GRM5: variants seen among roughly 807,000 people sequenced by gnomAD.
The protein encoded by GRM5 is metabotropic glutamate receptor 5.
Under a neutral mutation model 83.1 loss-of-function variants are expected in GRM5, and 19 were observed. That is an observed-to-expected ratio of 0.23 (90% CI 0.16 to 0.34). The LOEUF (loss-of-function observed/expected upper bound fraction) is 0.34, where lower values mean the gene tolerates loss of function less well. Ranked by LOEUF, GRM5 falls within the 10% of genes least tolerant of loss-of-function variation. The probability of loss-of-function intolerance (pLI) is 1.00; values close to 1 mark genes in which losing one functional copy is unlikely to be tolerated. For synonymous variants in GRM5, 675 were observed against 633.6 expected (o/e 1.07, Z -0.98); for missense variants, 1,160 against 1,588.3 (o/e 0.73, Z 4.58).
At chr11:88,703,809 T>C (rs1941091756) in intron 3 of GRM5, among the ~76,000 whole-genome samples, 1 of 152,090 alleles carries the variant, frequency 6.6e-6, no homozygotes, top group Non-Finnish European at 1.5e-5. Context: ...GTCTAACTTT[T>C]ATAAGCACTG....
intron 2 of GRM5, among the ~76,000 whole-genome samples, chr11:88,896,948 G>A (rs1015672307): frequency 6.6e-6 from 1 of 151,830 alleles, no homozygotes; most frequent in African/African-American, 2.4e-5. Flanking sequence ...ATCATAAAGT[G>A]CAAAATTTGT....
intron 2 of GRM5, among the ~76,000 whole-genome samples, chr11:88,927,523 A>G (rs1166163340): frequency 1.3e-5 from 2 of 152,164 alleles, no homozygotes; most frequent in Non-Finnish European, 2.9e-5. Flanking sequence ...ACCACAAAAG[A>G]TAGCATTTTA....
intron 2 of GRM5, among the ~76,000 whole-genome samples, chr11:88,976,730 TA>T (rs1412241489): frequency 6.6e-6 from 1 of 152,134 alleles, no homozygotes; most frequent in Non-Finnish European, 1.5e-5. Flanking sequence ...AGTAAGTTTT[TA>T]TATTGTGGTA....
intron 3 of GRM5, among the ~76,000 whole-genome samples, chr11:88,700,861 T>C (rs1941016790): frequency 6.6e-6 from 1 of 152,202 alleles, no homozygotes; most frequent in Non-Finnish European, 1.5e-5. Flanking sequence ...TACAATGCCC[T>C]GCACGGATGG....
intron 2 of GRM5, among the ~76,000 whole-genome samples, chr11:89,010,309 T>C (rs913688811): frequency 2.0e-5 from 3 of 152,198 alleles, no homozygotes; most frequent in Non-Finnish European, 4.4e-5. Flanking sequence ...GATTTTATCA[T>C]GACACTACCC....
chr11:88,586,243 A>T (rs1943313409), intron 7 of GRM5, among the ~76,000 whole-genome samples: 1 of 152,218 alleles, frequency 6.6e-6, no homozygotes, highest in African/African-American at 2.4e-5. Flanking sequence ...ATATACACAT[A>T]CAAAAAGTAT....
chr11:89,000,004 T>C (rs1439558017), intron 2 of GRM5, among the ~76,000 whole-genome samples: 1 of 151,762 alleles, frequency 6.6e-6, no homozygotes, highest in Non-Finnish European at 1.5e-5. Context: ...AACCAAACAC[T>C]GCATGTTCTC....
chr11:88,691,585 C>A (rs752577396), intron 3 of GRM5, among the ~76,000 whole-genome samples: 7 of 152,162 alleles, frequency 4.6e-5, no homozygotes, highest in Non-Finnish European at 1.0e-4. Context: ...TATGTCTGCT[C>A]TCTGCCATCT....
intron 3 of GRM5, among the ~76,000 whole-genome samples, chr11:88,802,417 T>C (rs1278656070): frequency 3.3e-5 from 5 of 152,150 alleles, no homozygotes; most frequent in Non-Finnish European, 7.4e-5. Flanking sequence ...GAGGTCATTA[T>C]AATAAATGAA....
intron 8 of GRM5, among the ~76,000 whole-genome samples, chr11:88,544,844 C>A (rs529302119): frequency 6.6e-6 from 1 of 152,202 alleles, no homozygotes; most frequent in African/African-American, 2.4e-5. Flanking sequence ...TTGGTACCAA[C>A]GAAATCCTTG....
intron 3 of GRM5, among the ~76,000 whole-genome samples, chr11:88,797,216 C>G (rs1418600752): frequency 1.3e-5 from 2 of 152,016 alleles, no homozygotes; most frequent in African/African-American, 4.8e-5. Flanking sequence ...GTGGTGCAAT[C>G]TCGGCTCACT....
At chr11:89,064,922 G>C (rs1331145589) in intron 1 of GRM5, among the ~76,000 whole-genome samples, 5 of 62,614 alleles carry the variant, frequency 8.0e-5, no homozygotes, top group South Asian at 1.1e-3. Flanking sequence ...GTGTGAGAGA[G>C]AGAGAGAGAG....
chr11:88,647,708 G>T (rs577651895), intron 4 of GRM5, among the ~76,000 whole-genome samples: 1 of 152,086 alleles, frequency 6.6e-6, no homozygotes, highest in Admixed American at 6.6e-5. Context: ...CCATCAAAGT[G>T]AACAGGCAAC....
chr11:88,556,388 T>C (rs1336049672), intron 8 of GRM5, among the ~76,000 whole-genome samples: 2 of 150,524 alleles, frequency 1.3e-5, no homozygotes, highest in African/African-American at 4.9e-5. Flanking sequence ...AATGGCGCAA[T>C]CTTGGCTCAC....
chr11:88,902,096 C>T (rs1377658097), intron 2 of GRM5, among the ~76,000 whole-genome samples: 1 of 151,844 alleles, frequency 6.6e-6, no homozygotes, highest in Non-Finnish European at 1.5e-5. Context: ...ACTTTATATG[C>T]TGCTTTTCTC....
intron 3 of GRM5, among the ~76,000 whole-genome samples, chr11:88,779,744 C>A (rs906920962): frequency 1.3e-5 from 2 of 152,138 alleles, no homozygotes; most frequent in Admixed American, 1.3e-4. Context: ...TTCTTAGTCA[C>A]CGAAAAGCAA....
At chr11:88,556,890 A>G (rs550342979) in intron 8 of GRM5, among the ~76,000 whole-genome samples, 91 of 152,250 alleles carry the variant, frequency 6.0e-4, no homozygotes, top group Middle Eastern at 3.4e-3. Context: ...TGATTTGCCT[A>G]TATACCAAAA....
At chr11:88,660,991 C>T (rs923382955) in intron 3 of GRM5, among the ~76,000 whole-genome samples, 1 of 152,146 alleles carries the variant, frequency 6.6e-6, no homozygotes, top group Admixed American at 6.6e-5. Context: ...ATTCACTGAA[C>T]AAGTATTGTG....
rs1169605677 is a variant in GRM5, at chr11:88,509,146, C to T, written c.3085G>A (p.Ala1029Thr). The change falls in exon 10 of 10, where the codon GCG (alanine) becomes ACG (threonine). Residue 1029 changes from alanine to threonine, a missense_variant. Physicochemically the swap from Ala to Thr is moderately conservative, Grantham distance 58. Transcript: ENST00000305447. ...PSPISTLSHR[A>T]GSASRTDDDV... ...TCGTCCGTGCGGCTGGCCGAGCCCG[C>T]GCGGTGGCTCAGCGTGCTGATGGGC... is the stretch of plus-strand genomic sequence containing the variant. 3.2e-6 allele frequency: 5 copies of T among 1,539,718 alleles called. No individual in the cohort carries two copies. The East Asian group carries it at 7.4e-5, about 23-fold the overall frequency.
Sources: allele counts gnomAD v4.1 joint callset (sites outside exome capture counted in the v4.1 genomes callset), GRCh38; gene constraint gnomAD v4.1.1; transcripts MANE v1.5; gene names NCBI Gene and HGNC (gene_info 2026-07-23, HGNC 2026-07-21).